TEAD4: variants seen among roughly 807,000 people sequenced by gnomAD.
TEAD4 encodes TEA domain transcription factor 4.
Under a neutral mutation model 52.4 loss-of-function variants are expected in TEAD4, and 36 were observed. The ratio of observed to expected loss-of-function variants is 0.69; its 90% confidence interval spans 0.53 to 0.91. The LOEUF is 0.91. TEAD4 is among the 40% of genes least tolerant of loss of function. TEAD4 has a pLI of 0.00. For missense variants in TEAD4, 508 were observed against 583.9 expected, an observed-to-expected ratio of 0.87 and a Z score of 1.34; for synonymous variants, 220 against 231.0, an observed-to-expected ratio of 0.95 and a Z score of 0.43.
chr12:3,018,510 G>C (rs1363829992), intron 6 of TEAD4, 35 bp from the exon 7 acceptor site: 2 of 1,613,822 alleles, frequency 1.2e-6, no homozygotes, highest in Non-Finnish European at 1.7e-6. Context: ...GGTGCACCTG[G>C]GGCCGTGCTG....
chr12:3,027,887 C>T (rs1386456338), intron 10 of TEAD4, among the ~76,000 whole-genome samples: 1 of 152,136 alleles, frequency 6.6e-6, no homozygotes, highest in African/African-American at 2.4e-5. Context: ...GTATACAATT[C>T]CGAGTTTTTA....
At chr12:2,966,831 T>C (rs1456900583) in intron 2 of TEAD4, among the ~76,000 whole-genome samples, 5 of 152,160 alleles carry the variant, frequency 3.3e-5, no homozygotes, top group Admixed American at 2.6e-4. Context: ...CTCAGCTTCC[T>C]GAGTAGCTGG....
At chr12:2,977,120 G>T (rs1039794662) in intron 2 of TEAD4, among the ~76,000 whole-genome samples, 1 of 151,996 alleles carries the variant, frequency 6.6e-6, no homozygotes, top group Non-Finnish European at 1.5e-5. Context: ...CCTCACAGCC[G>T]TTATTTGGGG....
Position 3,040,275 on chromosome 12 carries a change from T to C in TEAD4, c.1191+16T>C. On this transcript the variant is annotated intron_variant, in intron 12 of 12. Coordinates refer to ENST00000359864, the MANE Select transcript of TEAD4 (RefSeq NM_003213.4). ...CATCCTGCAGGTGTGCGGCGGGTGC[T>C]GCGGGTGTGGCTGGAGTCTGTGTGT... The C allele has an allele frequency of 6.2e-7, 1 of 1,614,114 alleles. No homozygotes were observed.
chr12:3,021,435 G>A (rs925982191), intron 9 of TEAD4, among the ~76,000 whole-genome samples: 7 of 151,010 alleles, frequency 4.6e-5, no homozygotes, highest in South Asian at 4.2e-4. Flanking sequence ...CTTAGCCTCC[G>A]GAGTAGCTGG....
chr12:2,960,738 A>G (rs1429424182), intron 2 of TEAD4, among the ~76,000 whole-genome samples: 1 of 152,170 alleles, frequency 6.6e-6, no homozygotes, highest in Non-Finnish European at 1.5e-5. Flanking sequence ...GAAAGTGAGT[A>G]TCTCTGAGTA....
At chr12:2,983,016 A>AG (rs2098235350) in intron 2 of TEAD4, among the ~76,000 whole-genome samples, 2 of 152,238 alleles carry the variant, frequency 1.3e-5, no homozygotes, top group South Asian at 4.1e-4. Context: ...AGGTGGGGTA[A>AG]GGGAGGTGGC....
chr12:3,009,428 C>T (rs7297385), intron 3 of TEAD4, among the ~76,000 whole-genome samples: 1 of 151,688 alleles, frequency 6.6e-6, no homozygotes. Context: ...GAGACTTCGT[C>T]TAAAAAAAAT....
rs1052991635 is a variant in TEAD4, at chr12:3,015,189, G to A, written c.355-2209G>A. 5.9e-5 allele frequency among the ~76,000 whole-genome samples: 9 copies of A among 152,034 alleles called. No individual in the cohort carries two copies. In the South Asian group the frequency reaches 1.2e-3, roughly 21 times the overall value. ...CCACATCGACAATGACCCACTACTC[G>A]GAACAGTTCCCTACTCCCCACCGCC... On this transcript the variant is annotated intron_variant, in intron 5 of 12. Transcript: ENST00000359864.
At chr12:2,996,770 C>T (rs1296887712) in intron 3 of TEAD4, among the ~76,000 whole-genome samples, 1 of 152,082 alleles carries the variant, frequency 6.6e-6, no homozygotes, top group Non-Finnish European at 1.5e-5. Context: ...GGCTGGAGTG[C>T]AGTGGAGCAA....
intron 2 of TEAD4, among the ~76,000 whole-genome samples, chr12:2,973,898 T>TCAC (rs1420998654): frequency 1.3e-5 from 2 of 152,162 alleles, no homozygotes; most frequent in Non-Finnish European, 2.9e-5. Flanking sequence ...GCTGGGTGTG[T>TCAC]GGCTGGTGCA....
At chr12:3,010,413 A>G (rs1166239381) in intron 3 of TEAD4, among the ~76,000 whole-genome samples, 1 of 152,192 alleles carries the variant, frequency 6.6e-6, no homozygotes, top group African/African-American at 2.4e-5. Context: ...TGAGTCAGCC[A>G]TGGGGCTGCA....
At chr12:2,992,058 G>A (rs1187537643) in intron 2 of TEAD4, among the ~76,000 whole-genome samples, 25 of 124,356 alleles carry the variant, frequency 2.0e-4, no homozygotes, top group Admixed American at 1.1e-3. Flanking sequence ...TCGCTCTGTC[G>A]CCCAGGCTGG....
chr12:3,034,900 C>G (rs1446539931), intron 10 of TEAD4, among the ~76,000 whole-genome samples: 1 of 151,932 alleles, frequency 6.6e-6, no homozygotes, highest in African/African-American at 2.4e-5. Context: ...TCGTGACCAG[C>G]CTGGCCGATA....
chr12:3,018,102 G>A (rs1181288650), intron 6 of TEAD4, among the ~76,000 whole-genome samples: 1 of 152,194 alleles, frequency 6.6e-6, no homozygotes, highest in African/African-American at 2.4e-5. Flanking sequence ...CACCGCCCTA[G>A]GCACGTGGGG....
In TEAD4 at chr12:3,040,608, A is replaced by C. The variant is rs1009581450; in HGVS notation, c.*130A>C. 1.3e-6 allele frequency: 1 copy of C among 789,596 alleles called. No individual in the cohort carries two copies. Among genetic ancestry groups the C allele is most frequent in the African/African-American group, 1.7e-5 (1 of 57,896 alleles). 48.9% of individuals were successfully genotyped at this position (789,596 alleles called of 1,614,324 possible). A position where few individuals can be genotyped will look rare whatever the true frequency, so the allele number is the denominator to read the frequency against. ...AGGAGCAGTTGTGACTCTACCCAGGAACAAACTGTGCCTGAACCTGAGGTG... is the reference window on the plus strand; with the variant it reads ...AGGAGCAGTTGTGACTCTACCCAGGCACAAACTGTGCCTGAACCTGAGGTG... On this transcript the variant is annotated 3_prime_UTR_variant, in exon 13 of 13. Coordinates refer to ENST00000359864, the MANE Select transcript of TEAD4 (RefSeq NM_003213.4).
intron 10 of TEAD4, among the ~76,000 whole-genome samples, chr12:3,026,228 G>A (rs977511247): frequency 9.9e-5 from 15 of 152,052 alleles, no homozygotes; most frequent in African/African-American, 3.4e-4. Context: ...TATCCTCTAC[G>A]ATTTTTACCA....
Position 3,020,710 on chromosome 12 carries a change from C to A in TEAD4, c.660C>A (p.Ala220=), listed in dbSNP as rs2098268095. 6.2e-7 allele frequency: 1 copy of A among 1,609,402 alleles called. No individual in the cohort carries two copies. The highest frequency in any genetic ancestry group is 8.5e-7 in the Non-Finnish European group (1 of 1,177,932). ...CCCCATGGCAGGGCCGCAGCGTGGCCAGCTCCAAGCTCTGGATGTTGGAGT... is the reference window on the plus strand; with the variant it reads ...CCCCATGGCAGGGCCGCAGCGTGGCAAGCTCCAAGCTCTGGATGTTGGAGT... The change falls in exon 9 of 13, where the codon GCC becomes GCA. Residue 220 remains alanine (A), a synonymous_variant. Transcript: ENST00000359864.
intron 3 of TEAD4, among the ~76,000 whole-genome samples, chr12:3,003,387 G>T (rs918841102): frequency 2.6e-5 from 4 of 152,142 alleles, no homozygotes; most frequent in African/African-American, 9.7e-5. Flanking sequence ...TGGTCTAGGG[G>T]GTGGGCTGCC....
Sources: allele counts gnomAD v4.1 joint callset (sites outside exome capture counted in the v4.1 genomes callset), GRCh38; gene constraint gnomAD v4.1.1; transcripts MANE v1.5; gene names NCBI Gene and HGNC (gene_info 2026-07-23, HGNC 2026-07-21).